Variants in TP63 observed in about 807,000 individuals in gnomAD.
TP63 encodes the protein tumor protein 63.
Under a neutral mutation model 82.8 loss-of-function variants are expected in TP63, and 17 were observed. That is an observed-to-expected ratio of 0.21 (90% confidence interval 0.14 to 0.31). The LOEUF is 0.31. TP63 is among the 10% of genes least tolerant of loss of function. The pLI is 1.00. For synonymous variants in TP63, 330 were observed against 321.7 expected (o/e 1.03, Z -0.28); for missense variants, 648 against 895.3 (o/e 0.72, Z 3.52).
intron 1 of TP63, among the ~76,000 whole-genome samples, chr3:189,636,133 A>C (rs1729762362): frequency 6.6e-6 from 1 of 152,158 alleles, no homozygotes; most frequent in Admixed American, 6.6e-5. Context: ...AAAATTTTTC[A>C]GTCTCTAATG....
chr3:189,894,677 C>T lies in TP63; in HGVS notation c.*175C>T. Reference sequence around the variant, plus strand: ...CTAACATCTGACCTGGCATCTAATTCTGATTCTGGCTTTAAGCCTTCAAAA... The same window carrying T: ...CTAACATCTGACCTGGCATCTAATTTTGATTCTGGCTTTAAGCCTTCAAAA... On this transcript the variant is annotated 3_prime_UTR_variant, in exon 14 of 14. Transcript: ENST00000264731. 1 of 763,874 alleles carries T rather than the reference C, an allele frequency of 1.3e-6. No individual in the cohort carries two copies. Among genetic ancestry groups the T allele is most frequent in the East Asian group, 2.7e-5 (1 of 36,752 alleles). 47.3% of individuals were successfully genotyped at this position (763,874 alleles called of 1,614,324 possible). A position where few individuals can be genotyped will look rare whatever the true frequency, so the allele number is the denominator to read the frequency against.
the TP63 span, among the ~76,000 whole-genome samples, chr3:189,615,521 C>A: frequency 1.3e-5 from 2 of 152,236 alleles, no homozygotes; most frequent in East Asian, 3.9e-4. Flanking sequence ...TGGCACATAC[C>A]ACATTAACAT....
chr3:189,650,089 T>G lies in TP63; in HGVS notation c.62+18512T>G, dbSNP rs1403379125. Among the ~76,000 whole-genome samples the G allele has an allele frequency of 4.1e-5, 6 of 146,766 alleles. 1 individual carries two copies. The highest frequency in any genetic ancestry group is 1.5e-4 in the African/African-American group (6 of 39,144). ...TTTCAAAAGTTGACCAATGGAATAG[T>G]TGACGTTTACAGAGATTGACCTCAC... On this transcript the variant is annotated intron_variant, in intron 1 of 13. Coordinates refer to ENST00000264731, the MANE Select transcript of TP63 (RefSeq NM_003722.5).
At chr3:189,878,717 C>T (rs1464533612) in intron 10 of TP63, among the ~76,000 whole-genome samples, 4 of 149,838 alleles carry the variant, frequency 2.7e-5, no homozygotes, top group African/African-American at 4.9e-5. Flanking sequence ...TGTGAGCCAC[C>T]GCGCCCAGCC....
chr3:189,860,358 C>T (rs953333483), intron 4 of TP63, among the ~76,000 whole-genome samples: 4 of 151,934 alleles, frequency 2.6e-5, no homozygotes, highest in South Asian at 2.1e-4. Flanking sequence ...TTGCAGAAGC[C>T]GGGAAAATTG....
intron 3 of TP63, among the ~76,000 whole-genome samples, chr3:189,799,278 G>A (rs1177763007): frequency 6.6e-6 from 1 of 151,968 alleles, no homozygotes; most frequent in East Asian, 1.9e-4. Flanking sequence ...CTGAATTCTG[G>A]CTAACTGGGC....
chr3:189,710,064 T>C (rs1718485100), intron 1 of TP63, among the ~76,000 whole-genome samples: 1 of 152,196 alleles, frequency 6.6e-6, no homozygotes, highest in South Asian at 2.1e-4. Flanking sequence ...GAATTTGTTA[T>C]GTTTTCAAAA....
At chr3:189,737,306 G>T (rs1720665246) in intron 1 of TP63, among the ~76,000 whole-genome samples, 1 of 152,068 alleles carries the variant, frequency 6.6e-6, no homozygotes, top group Non-Finnish European at 1.5e-5. Flanking sequence ...CTGTTTCCTG[G>T]TTCTATTTCT....
intron 1 of TP63, among the ~76,000 whole-genome samples, chr3:189,658,900 A>G (rs1199417360): frequency 6.6e-6 from 1 of 152,010 alleles, no homozygotes; most frequent in East Asian, 1.9e-4. Context: ...ATAATAATGT[A>G]TCGGTATTGG....
intron 4 of TP63, among the ~76,000 whole-genome samples, chr3:189,848,234 C>T (rs1272462243): frequency 8.4e-5 from 3 of 35,698 alleles, no homozygotes; most frequent in African/African-American, 3.3e-4. Flanking sequence ...TCCTCCTCCT[C>T]CTCCTTCTCT....
the TP63 span, among the ~76,000 whole-genome samples, chr3:189,606,656 G>A: frequency 3.3e-5 from 5 of 151,578 alleles, no homozygotes; most frequent in African/African-American, 1.2e-4. Context: ...ACCACAGCTG[G>A]CTAATTTTTG....
the TP63 span, among the ~76,000 whole-genome samples, chr3:189,603,650 TAAAAAAAAAAAAA>T: frequency 3.9e-5 from 2 of 50,740 alleles, no homozygotes; most frequent in African/African-American, 1.6e-4. Context: ...TTGCCTTCAT[TAAAAAAAAAAAAA>T]AAAAAAAAAA....
chr3:189,867,435 A>G (rs1481656384), intron 6 of TP63, among the ~76,000 whole-genome samples: 1 of 152,198 alleles, frequency 6.6e-6, no homozygotes, highest in Admixed American at 6.5e-5. Flanking sequence ...TCAAATCTAT[A>G]TTGTACTGTT....
intron 4 of TP63, among the ~76,000 whole-genome samples, chr3:189,824,639 C>T (rs552877579): frequency 6.6e-6 from 1 of 152,250 alleles, no homozygotes; most frequent in East Asian, 1.9e-4. Context: ...CTGCCCCTTT[C>T]CTTATAATAC....
At chr3:189,821,841 A>C (rs1229503201) in intron 4 of TP63, among the ~76,000 whole-genome samples, 1 of 152,250 alleles carries the variant, frequency 6.6e-6, no homozygotes, top group African/African-American at 2.4e-5. Context: ...TATCGTATAA[A>C]GCATATGATA....
intron 4 of TP63, among the ~76,000 whole-genome samples, chr3:189,840,471 T>C (rs1386168109): frequency 7.1e-6 from 1 of 141,714 alleles, no homozygotes; most frequent in East Asian, 2.1e-4. Flanking sequence ...TGTACGTGTG[T>C]GTGTGTGTTT....
Position 189,649,592 on chromosome 3 carries a change from C to T in TP63, c.62+18015C>T, listed in dbSNP as rs1034833815. Among the ~76,000 whole-genome samples, 3 of 146,974 alleles carry T rather than the reference C, an allele frequency of 2.0e-5. 1 individual carries two copies. Among genetic ancestry groups the T allele is most frequent in the South Asian group, 2.2e-4 (1 of 4,474 alleles). ...GCCCTGTGACATGAGTCTACCTATA[C>T]AACCAACTTGCACATGTACCCCCAA... On this transcript the variant is annotated intron_variant, in intron 1 of 13. Transcript: ENST00000264731.
At chr3:189,786,998 C>G (rs1400805721) in intron 3 of TP63, among the ~76,000 whole-genome samples, 1 of 152,040 alleles carries the variant, frequency 6.6e-6, no homozygotes, top group Non-Finnish European at 1.5e-5. Flanking sequence ...CAGCTACTCA[C>G]TAATTCTGAA....
rs140213184 is a variant in TP63 at position 189,759,243 on chromosome 3, C to T, written c.324+20469C>T. Among the ~76,000 whole-genome samples, 673 of 152,278 alleles carry T rather than the reference C, an allele frequency of 4.4e-3. 4 individuals are homozygous for T. Among genetic ancestry groups the T allele is most frequent in the Non-Finnish European group, 6.7e-3 (458 of 68,018 alleles). On this transcript the variant is annotated intron_variant, in intron 3 of 13. Transcript: ENST00000264731. ...GGATATCACTCCAGATCTACTGAATCAGAAACTGGAGGGAAAGTGAGAGTG... is the reference window on the plus strand; with the variant it reads ...GGATATCACTCCAGATCTACTGAATTAGAAACTGGAGGGAAAGTGAGAGTG...
Sources: gnomAD v4.1 joint callset for allele counts (sites outside exome capture counted in the v4.1 genomes callset) on GRCh38, gnomAD v4.1.1 for gene constraint, MANE v1.5 for transcripts, NCBI Gene and HGNC (gene_info 2026-07-23, HGNC 2026-07-21) for gene names.